Variants in LRRTM4 observed in about 807,000 individuals in gnomAD.
The protein encoded by LRRTM4 is leucine rich repeat transmembrane neuronal 4.
LRRTM4 carries 25 observed loss-of-function variants against 47.6 expected under a neutral mutation model. That is an observed-to-expected ratio of 0.53 (90% CI 0.38 to 0.73). The LOEUF is 0.73. Among genes scored for constraint, LRRTM4 ranks in the 30% least tolerant of loss-of-function variants. LRRTM4 has a pLI of 0.00. For synonymous variants in LRRTM4, 311 were observed against 269.5 expected (o/e 1.15, Z -1.51); for missense variants, 638 against 713.4 (o/e 0.89, Z 1.20).
chr2:76,810,449 CTTA>C (rs1377205596), intron 3 of LRRTM4, among the ~76,000 whole-genome samples: 1 of 151,888 alleles, frequency 6.6e-6, no homozygotes, highest in African/African-American at 2.4e-5. Context: ...TATTTTTGCT[CTTA>C]TGTTTTTGAT....
chr2:77,050,701 T>G (rs1042846815), intron 3 of LRRTM4, among the ~76,000 whole-genome samples: 2 of 152,178 alleles, frequency 1.3e-5, no homozygotes, highest in African/African-American at 2.4e-5. Context: ...TTCACCTATT[T>G]CTTTTTGCTA....
intron 3 of LRRTM4, among the ~76,000 whole-genome samples, chr2:77,225,224 GA>G (rs1674769600): frequency 9.4e-6 from 1 of 106,806 alleles, no homozygotes; most frequent in Admixed American, 1.2e-4. Flanking sequence ...GGGGTGGGGG[GA>G]GGGGGGAGGG....
intron 3 of LRRTM4, among the ~76,000 whole-genome samples, chr2:77,132,602 T>C (rs1210550815): frequency 6.6e-6 from 1 of 152,202 alleles, no homozygotes; most frequent in Non-Finnish European, 1.5e-5. Context: ...GCACCTTGAA[T>C]GTTGCATCCT....
chr2:77,021,433 G>C (rs959079681), intron 3 of LRRTM4, among the ~76,000 whole-genome samples: 9 of 152,132 alleles, frequency 5.9e-5, no homozygotes, highest in African/African-American at 2.2e-4. Flanking sequence ...TCAAGATAAT[G>C]CTTTTTCAAA....
intron 3 of LRRTM4, among the ~76,000 whole-genome samples, chr2:76,905,416 T>A (rs1027356179): frequency 6.6e-6 from 1 of 151,952 alleles, no homozygotes; most frequent in African/African-American, 2.4e-5. Context: ...AGAGCAGAAA[T>A]ACTGGAAACT....
At chr2:77,319,346 C>T (rs1677721163) in intron 3 of LRRTM4, among the ~76,000 whole-genome samples, 1 of 151,898 alleles carries the variant, frequency 6.6e-6, no homozygotes, top group Admixed American at 6.6e-5. Flanking sequence ...GAGATCGCGC[C>T]ACTGCATTCC....
intron 3 of LRRTM4, among the ~76,000 whole-genome samples, chr2:76,998,958 C>A (rs144392815): frequency 6.6e-6 from 1 of 151,530 alleles, no homozygotes; most frequent in Non-Finnish European, 1.5e-5. Flanking sequence ...ACTGTAACTA[C>A]TCGCCCTAAC....
chr2:77,135,772 G>T (rs1049357111), intron 3 of LRRTM4, among the ~76,000 whole-genome samples: 3 of 152,034 alleles, frequency 2.0e-5, no homozygotes, highest in African/African-American at 7.2e-5. Context: ...TATCTTGAAA[G>T]CTAGACCCCT....
At chr2:76,956,986 C>G (rs544717362) in intron 3 of LRRTM4, among the ~76,000 whole-genome samples, 1 of 151,644 alleles carries the variant, frequency 6.6e-6, no homozygotes, top group African/African-American at 2.4e-5. Context: ...CACAGCATTA[C>G]TAACAATAAA....
intron 3 of LRRTM4, among the ~76,000 whole-genome samples, chr2:77,010,156 T>C (rs1334804850): frequency 6.6e-6 from 1 of 152,022 alleles, no homozygotes; most frequent in African/African-American, 2.4e-5. Context: ...ACTTAAAATT[T>C]ACTCTCTAAG....
chr2:77,174,816 G>C (rs1489109947), intron 3 of LRRTM4, among the ~76,000 whole-genome samples: 1 of 151,774 alleles, frequency 6.6e-6, no homozygotes, highest in Non-Finnish European at 1.5e-5. Context: ...CCCACAACAG[G>C]CCCTGGTGTG....
chr2:76,862,978 A>T (rs1467440136), intron 3 of LRRTM4, among the ~76,000 whole-genome samples: 2 of 152,284 alleles, frequency 1.3e-5, no homozygotes, highest in Admixed American at 6.5e-5. Context: ...CCCTCCGATT[A>T]TCTACTTTTG....
intron 3 of LRRTM4, among the ~76,000 whole-genome samples, chr2:77,326,939 A>G (rs549988385): frequency 6.6e-6 from 1 of 152,210 alleles, no homozygotes; most frequent in African/African-American, 2.4e-5. Context: ...TTTTCCTCTC[A>G]TGCAATTTTA....
intron 3 of LRRTM4, among the ~76,000 whole-genome samples, chr2:76,866,343 G>T (rs1672468095): frequency 1.3e-5 from 2 of 152,180 alleles, no homozygotes; most frequent in Non-Finnish European, 2.9e-5. Context: ...TTATGATGCA[G>T]TGATCTCATC....
chr2:76,819,309 T>C (rs1670991141), intron 3 of LRRTM4, among the ~76,000 whole-genome samples: 1 of 151,834 alleles, frequency 6.6e-6, no homozygotes, highest in African/African-American at 2.4e-5. Flanking sequence ...AACTGAATCA[T>C]GGAGAAGTTA....
intron 3 of LRRTM4, among the ~76,000 whole-genome samples, chr2:77,261,315 G>A (rs1436869952): frequency 6.6e-6 from 1 of 152,056 alleles, no homozygotes; most frequent in Non-Finnish European, 1.5e-5. Flanking sequence ...AGCTAGACAC[G>A]GTCATATATG....
intron 3 of LRRTM4, among the ~76,000 whole-genome samples, chr2:76,918,617 G>A (rs761624968): frequency 6.6e-6 from 1 of 152,034 alleles, no homozygotes; most frequent in Non-Finnish European, 1.5e-5. Flanking sequence ...AAATACAGAC[G>A]AACCCGGAAG....
intron 3 of LRRTM4, among the ~76,000 whole-genome samples, chr2:76,962,619 TAAAA>T (rs1675898621): frequency 6.6e-6 from 1 of 150,642 alleles, no homozygotes; most frequent in African/African-American, 2.4e-5. Flanking sequence ...ATTTTTAAAA[TAAAA>T]ATAAATGAAA....
At chr2:76,808,847 A>G (rs1233834913) in intron 3 of LRRTM4, among the ~76,000 whole-genome samples, 1 of 152,158 alleles carries the variant, frequency 6.6e-6, no homozygotes, top group South Asian at 2.1e-4. Context: ...TCAACTCAGA[A>G]AATAGATGGC....
Sources: allele counts gnomAD v4.1 joint callset (sites outside exome capture counted in the v4.1 genomes callset), GRCh38; gene constraint gnomAD v4.1.1; transcripts MANE v1.5; gene names NCBI Gene and HGNC (gene_info 2026-07-23, HGNC 2026-07-21).